Variants in CLEC6A observed in about 807,000 individuals in gnomAD.
CLEC6A encodes C-type lectin domain containing 6A, also known as C-type lectin domain family 6 member A.
CLEC6A carries 22 observed loss-of-function variants against 25.7 expected under a neutral mutation model. That is an observed-to-expected ratio of 0.85 (90% CI 0.61 to 1.22). The LOEUF (loss-of-function observed/expected upper bound fraction) is 1.22. Among genes scored for constraint, CLEC6A ranks in the 50% most tolerant of loss-of-function variants. The probability of loss-of-function intolerance (pLI) is 0.00; values close to 1 mark genes in which losing one functional copy is unlikely to be tolerated. For missense variants in CLEC6A, 240 were observed against 236.8 expected, an observed-to-expected ratio of 1.01 and a Z score of -0.09; for synonymous variants, 92 against 76.7, an observed-to-expected ratio of 1.20 and a Z score of -1.04.
intron 3 of CLEC6A, 74 bp from the exon 4 acceptor site, chr12:8,465,410 A>G: frequency 7.0e-7 from 1 of 1,430,502 alleles, no homozygotes; most frequent in Non-Finnish European, 9.7e-7. Context: ...TGTCTCTACA[A>G]AGCAATTGCA....
At chr12:8,473,692 A>G (rs1210525011) in intron 4 of CLEC6A, among the ~76,000 whole-genome samples, 1 of 152,160 alleles carries the variant, frequency 6.6e-6, no homozygotes, top group Non-Finnish European at 1.5e-5. Flanking sequence ...CATTCCCACC[A>G]GCAATGTATG....
At chr12:8,465,901 G>T (rs900684100) in intron 4 of CLEC6A, among the ~76,000 whole-genome samples, 2 of 152,120 alleles carry the variant, frequency 1.3e-5, no homozygotes, top group African/African-American at 4.8e-5. Flanking sequence ...TAATATAAGT[G>T]AAATTATATA....
At chr12:8,474,196 T>C (rs1234394112) in intron 4 of CLEC6A, among the ~76,000 whole-genome samples, 2 of 152,132 alleles carry the variant, frequency 1.3e-5, no homozygotes, top group Admixed American at 6.6e-5. Flanking sequence ...AGGATTCTTA[T>C]ATTTGAGGTC....
chr12:8,461,041 A>G (rs1939747383), intron 3 of CLEC6A: 2 of 1,582,360 alleles, frequency 1.3e-6, no homozygotes, highest in South Asian at 1.1e-5. Context: ...CTATAAAGCT[A>G]TCAGAAGAAA....
In CLEC6A at chr12:8,455,987, A is replaced by G. The variant is rs4528410; in HGVS notation, c.-125A>G. On this transcript the variant is annotated 5_prime_UTR_variant, in exon 1 of 6. In the 5' UTR this introduces an upstream ATG that the reference lacks. Coordinates refer to ENST00000382073, the MANE Select transcript of CLEC6A (RefSeq NM_001007033.2). ...AATGTTGGAAGTCTCTTAGTCCTAT[A>G]AGAGTGTGTAGCAGTTTGTCCCTGA... is the stretch of plus-strand genomic sequence containing the variant. 583,497 of 745,558 alleles carry G rather than the reference A, an allele frequency of 0.78. 230,502 individuals are homozygous for G. Among genetic ancestry groups the G allele is most frequent in the East Asian group, 0.99 (38,202 of 38,616 alleles). The allele number at this position is 745,558 out of a possible 1,614,324, so 46.2% of individuals were successfully genotyped here.
chr12:8,459,778 A>G, intron 3 of CLEC6A, 80 bp downstream of exon 3: 2 of 890,078 alleles, frequency 2.2e-6, no homozygotes, highest in Non-Finnish European at 3.8e-6. Context: ...GGTGTATTCT[A>G]TTGTGCATTT....
intron 4 of CLEC6A, among the ~76,000 whole-genome samples, chr12:8,466,183 A>T (rs150684747): frequency 9.8e-5 from 15 of 152,344 alleles, no homozygotes; most frequent in African/African-American, 2.9e-4. Context: ...TGGTTACCAC[A>T]ATCAAGCTAA....
intron 3 of CLEC6A, chr12:8,460,539 A>G: frequency 1.4e-6 from 1 of 725,892 alleles, no homozygotes; most frequent in Non-Finnish European, 2.3e-6. Flanking sequence ...GTGGAGACAG[A>G]GAACCAAACC....
chr12:8,474,633 A>G (rs989107105), intron 4 of CLEC6A, among the ~76,000 whole-genome samples: 3 of 152,218 alleles, frequency 2.0e-5, no homozygotes, highest in African/African-American at 7.2e-5. Context: ...ATATTAGGTT[A>G]TGTCAGGAAG....
intron 3 of CLEC6A, 45 bp downstream of exon 3, chr12:8,459,743 A>C: frequency 8.3e-7 from 1 of 1,206,238 alleles, no homozygotes; most frequent in Admixed American, 1.7e-5. Context: ...TTTCTCAGGG[A>C]GAGATCAGGG....
chr12:8,463,949 GT>G (rs1939796783), intron 3 of CLEC6A, among the ~76,000 whole-genome samples: 1 of 152,168 alleles, frequency 6.6e-6, no homozygotes, highest in African/African-American at 2.4e-5. Context: ...TACAAAAAAT[GT>G]TTGGTGTACA....
intron 4 of CLEC6A, among the ~76,000 whole-genome samples, chr12:8,470,528 G>C (rs1341765422): frequency 6.6e-6 from 1 of 151,928 alleles, no homozygotes; most frequent in Non-Finnish European, 1.5e-5. Flanking sequence ...TGTGAAACCA[G>C]CCCAAATGCC....
intron 3 of CLEC6A, among the ~76,000 whole-genome samples, chr12:8,465,198 T>A (rs1425335423): frequency 6.6e-6 from 1 of 151,492 alleles, no homozygotes; most frequent in Non-Finnish European, 1.5e-5. Flanking sequence ...GAGGACTTGG[T>A]GCTGATAATG....
chr12:8,460,435 A>G (rs746538219), intron 3 of CLEC6A, among the ~76,000 whole-genome samples: 1 of 152,162 alleles, frequency 6.6e-6, no homozygotes, highest in Non-Finnish European at 1.5e-5. Flanking sequence ...GAGAACAGTA[A>G]GGGGGAAACC....
At chr12:8,468,951 G>A (rs891799414) in intron 4 of CLEC6A, among the ~76,000 whole-genome samples, 1 of 152,014 alleles carries the variant, frequency 6.6e-6, no homozygotes, top group African/African-American at 2.4e-5. Flanking sequence ...AATCAGACAA[G>A]AGAAAAAAAC....
intron 4 of CLEC6A, among the ~76,000 whole-genome samples, chr12:8,468,913 A>G (rs749993332): frequency 1.3e-5 from 2 of 152,306 alleles, no homozygotes; most frequent in South Asian, 4.1e-4. Flanking sequence ...TTTTTATTCA[A>G]CATAGTACTG....
chr12:8,471,595 C>G (rs1279318579), intron 4 of CLEC6A, among the ~76,000 whole-genome samples: 1 of 151,902 alleles, frequency 6.6e-6, no homozygotes, highest in Non-Finnish European at 1.5e-5. Context: ...CTCTTATAAT[C>G]CCTTTTATTT....
At chr12:8,476,328 G>A in intron 5 of CLEC6A, 88 bp downstream of exon 5, 2 of 759,472 alleles carry the variant, frequency 2.6e-6, no homozygotes, top group Non-Finnish European at 2.3e-6. Flanking sequence ...TGGTAATTAT[G>A]ATAACAGGAT....
intron 3 of CLEC6A, chr12:8,461,139 T>G (rs1390246950): frequency 6.5e-7 from 1 of 1,543,666 alleles, no homozygotes; most frequent in African/African-American, 1.4e-5. Context: ...GCCGTGGCCT[T>G]GGAAAGGGCC....
Sources: allele counts gnomAD v4.1 joint callset (sites outside exome capture counted in the v4.1 genomes callset), GRCh38; gene constraint gnomAD v4.1.1; transcripts MANE v1.5; gene names NCBI Gene and HGNC (gene_info 2026-07-23, HGNC 2026-07-21).